The following GIT1 variants were observed in gnomAD, a reference collection of about 807,000 sequenced individuals.
GIT1 encodes the protein GIT ArfGAP 1.
GIT1 carries 14 observed loss-of-function variants against 91.7 expected under a neutral mutation model. The observed-to-expected ratio is 0.15, with a 90% CI of 0.10 to 0.24. GIT1 has a LOEUF of 0.24. Ranked by LOEUF, GIT1 falls within the 10% of genes least tolerant of loss-of-function variation. The pLI is 1.00. For synonymous variants in GIT1, 414 were observed against 418.2 expected (o/e 0.99, Z 0.12); for missense variants, 717 against 1,024.9 (o/e 0.70, Z 4.10).
intron 1 of GIT1, among the ~76,000 whole-genome samples, chr17:29,586,501 A>G (rs760809067): frequency 6.6e-5 from 10 of 152,160 alleles, no homozygotes; most frequent in Non-Finnish European, 1.3e-4. Context: ...GCCCATCAGG[A>G]TGAACACTCA....
At chr17:29,588,688 T>G (rs1409260313) in intron 1 of GIT1, among the ~76,000 whole-genome samples, 1 of 152,136 alleles carries the variant, frequency 6.6e-6, no homozygotes, top group Non-Finnish European at 1.5e-5. Context: ...CCAGCAGGCC[T>G]GGGGATGCCT....
rs981474738 is a variant in GIT1, at chr17:29,577,131, C to T, written c.1093+5G>A. 6.2e-7 allele frequency: 1 copy of T among 1,612,646 alleles called. No individual in the cohort carries two copies. Among genetic ancestry groups the T allele is most frequent in the African/African-American group, 1.3e-5 (1 of 74,910 alleles). Reference sequence around the variant, plus strand: ...TTCCCACACCCTCCCACACAACCCTCCCACCTGTGGGGCTGCTCAGGCTCT... The same window carrying T: ...TTCCCACACCCTCCCACACAACCCTTCCACCTGTGGGGCTGCTCAGGCTCT... On this transcript the variant is annotated splice_donor_5th_base_variant and intron_variant, in intron 11 of 19. Transcript: ENST00000225394.
chr17:29,577,470 C>T (rs2033251912), intron 10 of GIT1, among the ~76,000 whole-genome samples, 175 bp downstream of exon 10: 1 of 152,194 alleles, frequency 6.6e-6, no homozygotes, highest in Non-Finnish European at 1.5e-5. Flanking sequence ...GGAGCTGCTC[C>T]CCAAGTGCTC....
In GIT1 at chr17:29,578,387, G is replaced by T. The variant is rs371878329; in HGVS notation, c.811-16C>A. On this transcript the variant is annotated splice_polypyrimidine_tract_variant and intron_variant, in intron 8 of 19. Coordinates refer to ENST00000225394, the MANE Select transcript of GIT1 (RefSeq NM_014030.4). ...GGTTGCTGAGCTGGAGGAAGAGAGG[G>T]GCCCAGATGTTGTCAGATGCATCGG... is the stretch of plus-strand genomic sequence containing the variant. 6 of 1,613,244 alleles carry T rather than the reference G, an allele frequency of 3.7e-6. No individual in the cohort carries two copies. Among genetic ancestry groups the T allele is most frequent in the Non-Finnish European group, 5.1e-6 (6 of 1,179,188 alleles).
Position 29,578,742 on chromosome 17 carries a change from T to G in GIT1, c.799A>C (p.Lys267Gln), listed in dbSNP as rs2033300305. The G allele has an allele frequency of 6.2e-7, 1 of 1,613,986 alleles. No homozygotes were observed. The highest frequency in any genetic ancestry group is 8.5e-7 in the Non-Finnish European group (1 of 1,179,900). The change falls in exon 8 of 20, where the codon AAG becomes CAG. Residue 267 changes from lysine (K) to glutamine (Q), a missense_variant. Physicochemically the swap from Lys to Gln is moderately conservative, Grantham distance 53. This residue lies in a region of GIT1 where 271 missense variants were observed against 451.6 expected (regional missense o/e 0.60). Coordinates refer to ENST00000225394, the MANE Select transcript of GIT1 (RefSeq NM_014030.4). Reference protein sequence around the residue: ...LSELAKAAKKKLQALSNRLFE... With the variant: ...LSELAKAAKKQLQALSNRLFE... ...TGGAGCAGACTTACCGCCTGCAGCT[T>G]CTTCTTAGCAGCTTTGGCCAATTCG...
At chr17:29,578,983 C>G (rs765110741) in intron 7 of GIT1, 2 of 1,613,930 alleles carry the variant, frequency 1.2e-6, no homozygotes, top group South Asian at 1.1e-5. Context: ...GCACTTTTGC[C>G]GAGATCTAAG....
Position 29,576,305 on chromosome 17 carries a change from A to G in GIT1, c.1526T>C (p.Met509Thr). The change falls in exon 14 of 20, where the codon ATG becomes ACG. Residue 509 changes from methionine (M) to threonine (T), a missense_variant. By Grantham distance (81) the Met-to-Thr change is moderately conservative (BLOSUM62 -1). Transcript: ENST00000225394. ...CTTCAGGGCAGAGCCAGGTTCATAC[A>G]TGGAAAAGGCCTGGCGATCCCTGCG... ...THRRDRQAFS[M>T]YEPGSALKPF... The G allele has an allele frequency of 6.2e-7, 1 of 1,612,918 alleles. No individual in the cohort carries two copies. The highest frequency in any genetic ancestry group is 8.5e-7 in the Non-Finnish European group (1 of 1,179,840).
Position 29,581,125 on chromosome 17 carries a change from CGGGGCTCA to C in GIT1, c.761+205_761+212del. Reference sequence around the variant, plus strand: ...AAGCCCTCCATGTACTTGACAGTCACGGGGCTCAGGCTATGCGGGCCACATATGGAGCT... The same window carrying C: ...AAGCCCTCCATGTACTTGACAGTCACGGCTATGCGGGCCACATATGGAGCT... On this transcript the variant is annotated intron_variant, in intron 7 of 19. Coordinates refer to ENST00000225394, the MANE Select transcript of GIT1 (RefSeq NM_014030.4). The surrounding 1 kb of genome is among the most constrained non-coding windows in gnomAD (Gnocchi z 4.8). 3 of 591,530 alleles carry C rather than the reference CGGGGCTCA, an allele frequency of 5.1e-6. No homozygotes were observed. The highest frequency in any genetic ancestry group is 5.7e-5 in the Admixed American group (2 of 34,790). The allele number at this position is 591,530 out of a possible 1,614,324, so 36.6% of individuals were successfully genotyped here.
rs749589787 is a variant in GIT1 at position 29,576,417 on chromosome 17, G to A, written c.1414C>T (p.Arg472Trp). The A allele has an allele frequency of 4.3e-6, 7 of 1,612,912 alleles. No homozygotes were observed. The highest frequency in any genetic ancestry group is 1.3e-5 in the African/African-American group (1 of 75,026). Residue 472 changes from arginine (R) to tryptophan (W), a missense_variant, in exon 14 of 20, where the codon CGG (arginine) becomes TGG (tryptophan). Coordinates refer to ENST00000225394, the MANE Select transcript of GIT1 (RefSeq NM_014030.4). ...GTGGGCACCGGCCCTGGAGGCTGCC[G>A]GAGCTGCAGGTTCTCCGCCTGCAGC... ...HKLQAENLQL[R>W]QPPGPVPTPP...
Position 29,576,492 on chromosome 17 carries a change from C to G in GIT1, c.1380+30G>C, listed in dbSNP as rs571322718. 7.7e-5 allele frequency: 125 copies of G among 1,613,230 alleles called. 2 individuals carry two copies. The South Asian group carries it at 1.2e-3, about 16-fold the overall frequency. ...CTGTCAACCCCCTGGAGTCCTGGGG[C>G]TCCCCCTCCCACCGAGGCTGCACCC... is the stretch of plus-strand genomic sequence containing the variant. On this transcript the variant is annotated intron_variant, in intron 13 of 19. Coordinates refer to ENST00000225394, the MANE Select transcript of GIT1 (RefSeq NM_014030.4).
In GIT1 at chr17:29,577,251, C is replaced by T. The variant is rs201250404; in HGVS notation, c.982-4G>A. On this transcript the variant is annotated splice_polypyrimidine_tract_variant and splice_region_variant and intron_variant, in intron 10 of 19. Coordinates refer to ENST00000225394, the MANE Select transcript of GIT1 (RefSeq NM_014030.4). ...AGCGGGCCAGCTTTTGTCGCCCCTG[C>T]AAGGCAGAAAGGGCCAGGCTGGCTT... The T allele has an allele frequency of 1.2e-6, 2 of 1,613,060 alleles. No homozygotes were observed. The highest frequency in any genetic ancestry group is 2.7e-5 in the African/African-American group (2 of 75,042).
At chr17:29,578,582 AG>A (rs1479688198) in intron 8 of GIT1, 148 bp downstream of exon 8, 70 of 858,962 alleles carry the variant, frequency 8.1e-5, no homozygotes, top group African/African-American at 1.6e-4. Context: ...TAGGGAGGTC[AG>A]GGAGAGGGGA....
intron 1 of GIT1, among the ~76,000 whole-genome samples, chr17:29,588,116 T>C (rs939045763): frequency 6.6e-6 from 1 of 152,158 alleles, no homozygotes; most frequent in Non-Finnish European, 1.5e-5. Flanking sequence ...CACCAGAGCA[T>C]CTGTGAGGCT....
rs1343782815 is a variant in GIT1 at position 29,574,984 on chromosome 17, CTG to C, written c.2074-72_2074-71del. On this transcript the variant is annotated intron_variant, in intron 19 of 19. Transcript: ENST00000225394. ...CAGCTGAGATCAGGGCCCAGTTTGT[CTG>C]TGTCTCCACCCAGGTAGCGATCAGA... 5.4e-6 allele frequency: 8 copies of C among 1,488,390 alleles called. No homozygotes were observed. The African/African-American group carries it at 5.6e-5, about 10-fold the overall frequency. The allele number at this position is 1,488,390 out of a possible 1,614,324, so 92.2% of individuals were successfully genotyped here. A position where few individuals can be genotyped will look rare whatever the true frequency, so the allele number is the denominator to read the frequency against.
At position 29,581,230 on chromosome 17, in the gene GIT1, G is replaced by A; in HGVS notation, c.761+108C>T. On this transcript the variant is annotated intron_variant, in intron 7 of 19. Transcript: ENST00000225394. This position sits in a 1 kb window ranked among gnomAD's most constrained non-coding sequence, Gnocchi z 4.8. ...AAGCTGTGCCTCTAGTCTCTGGGGG[G>A]AGGGAGCAGGGTCCTAGGCCTCTGA... The A allele has an allele frequency of 1.3e-6, 1 of 797,464 alleles. No homozygotes were observed. The highest frequency in any genetic ancestry group is 2.2e-6 in the Non-Finnish European group (1 of 450,588). 49.4% of individuals were successfully genotyped at this position (797,464 alleles called of 1,614,324 possible). A position where few individuals can be genotyped will look rare whatever the true frequency, so the allele number is the denominator to read the frequency against.
chr17:29,587,244 G>A (rs2033622028), intron 1 of GIT1, among the ~76,000 whole-genome samples: 1 of 152,120 alleles, frequency 6.6e-6, no homozygotes. Flanking sequence ...GCATGCCAGG[G>A]CCAGCATCCT....
In GIT1 at chr17:29,581,237, C is replaced by T. The variant is rs2033383500; in HGVS notation, c.761+101G>A. 2 of 830,358 alleles carry T rather than the reference C, an allele frequency of 2.4e-6. No individual in the cohort carries two copies. Among genetic ancestry groups the T allele is most frequent in the African/African-American group, 1.7e-5 (1 of 60,086 alleles). 51.4% of individuals were successfully genotyped at this position (830,358 alleles called of 1,614,324 possible). On this transcript the variant is annotated intron_variant, in intron 7 of 19. Coordinates refer to ENST00000225394, the MANE Select transcript of GIT1 (RefSeq NM_014030.4). This position sits in a 1 kb window ranked among gnomAD's most constrained non-coding sequence, Gnocchi z 4.8. ...GCCTCTAGTCTCTGGGGGGAGGGAG[C>T]AGGGTCCTAGGCCTCTGAAACCTGG...
chr17:29,586,036 CCT>C (rs1198653267), intron 1 of GIT1, among the ~76,000 whole-genome samples: 3 of 151,780 alleles, frequency 2.0e-5, no homozygotes, highest in South Asian at 2.1e-4. Flanking sequence ...GCCTCCCTCC[CCT>C]GAGCTAAGGG....
intron 1 of GIT1, among the ~76,000 whole-genome samples, chr17:29,585,003 C>T (rs556688977): frequency 6.9e-6 from 1 of 143,978 alleles, no homozygotes; most frequent in Admixed American, 7.2e-5. Context: ...CGCTCTGTCG[C>T]CCAGGCTGGA....
Sources: gnomAD v4.1 joint callset for allele counts (sites outside exome capture counted in the v4.1 genomes callset) on GRCh38, gnomAD v4.1.1 for gene constraint, gnomAD v4.1.1 regional missense constraint, Gnocchi (gnomAD v3.1) non-coding constraint, MANE v1.5 for transcripts, NCBI Gene and HGNC (gene_info 2026-07-23, HGNC 2026-07-21) for gene names.